The following MAD1L1 variants were observed in gnomAD, a reference collection of about 807,000 sequenced individuals.
MAD1L1 encodes mitotic spindle assembly checkpoint protein MAD1.
In MAD1L1, 95 loss-of-function variants were observed where a neutral mutation model predicts 96.9. The observed-to-expected ratio is 0.98, with a 90% CI of 0.83 to 1.16. The LOEUF is 1.16. Ranked by LOEUF, MAD1L1 falls within the 50% of genes most tolerant of loss-of-function variation. MAD1L1 has a pLI of 0.00. For missense variants in MAD1L1, 1,007 were observed against 954.4 expected (o/e 1.06, Z -0.73); for synonymous variants, 473 against 396.6 (o/e 1.19, Z -2.29).
chr7:2,059,087 G>A (rs1196826410), intron 12 of MAD1L1, among the ~76,000 whole-genome samples: 33 of 86,414 alleles, frequency 3.8e-4, no homozygotes, highest in East Asian at 8.5e-4. Context: ...GTGTGGCCAG[G>A]AGAGAAGCAG....
intron 11 of MAD1L1, among the ~76,000 whole-genome samples, chr7:2,102,918 C>T (rs956957533): frequency 6.6e-6 from 1 of 152,222 alleles, no homozygotes; most frequent in Non-Finnish European, 1.5e-5. Context: ...ACTCCTAAAG[C>T]GGGCCTCTCC....
rs183965274 is a variant in MAD1L1 at position 1,867,612 on chromosome 7, C to T, written c.1998+30588G>A. On this transcript the variant is annotated intron_variant, in intron 18 of 18. Coordinates refer to ENST00000265854, the MANE Select transcript of MAD1L1 (RefSeq NM_001013836.2). ...TCAGCAGCACTCTGCCAGATTCTAC[C>T]GGTGGCTCGGGCCCAATTTCCATTC... 3.5e-3 allele frequency among the ~76,000 whole-genome samples: 537 copies of T among 152,334 alleles called. 5 individuals are homozygous for T. The highest frequency in any genetic ancestry group is 0.013 in the African/African-American group (527 of 41,584).
rs535792481 is a variant in MAD1L1 at position 2,183,281 on chromosome 7, TA to T, written c.986+29930del. Among the ~76,000 whole-genome samples the T allele has an allele frequency of 1.3e-3, 194 of 150,132 alleles. 1 individual carries two copies. Among genetic ancestry groups the T allele is most frequent in the Middle Eastern group, 3.5e-3 (1 of 286 alleles). Reference sequence around the variant, plus strand: ...ATGTATATTTTAATAATTTAAAAACTAAAGAAAATGACAAGCCACAGACAGG... The same window carrying T: ...ATGTATATTTTAATAATTTAAAAACTAAGAAAATGACAAGCCACAGACAGG... On this transcript the variant is annotated intron_variant, in intron 10 of 18. Transcript: ENST00000265854.
At chr7:1,871,501 C>T (rs530006517) in intron 18 of MAD1L1, among the ~76,000 whole-genome samples, 19 of 146,560 alleles carry the variant, frequency 1.3e-4, no homozygotes, top group African/African-American at 4.0e-4. Context: ...ACGCCTGCCA[C>T]GCTGAACTGA....
At chr7:2,025,615 G>T (rs1285739391) in intron 12 of MAD1L1, among the ~76,000 whole-genome samples, 1 of 152,024 alleles carries the variant, frequency 6.6e-6, no homozygotes, top group Non-Finnish European at 1.5e-5. Context: ...TGCAACACAG[G>T]GGAATAAAAA....
Position 1,874,125 on chromosome 7 carries a change from C to T in MAD1L1, c.1998+24075G>A, listed in dbSNP as rs116278193. On this transcript the variant is annotated intron_variant, in intron 18 of 18. Transcript: ENST00000265854. ...GGTGTTCCAGGCTCTCCATCTGCAC[C>T]GGAGTGGGGATGGAAAACGAAGGTC... 4.5e-3 allele frequency among the ~76,000 whole-genome samples: 691 copies of T among 152,274 alleles called. 6 individuals are homozygous for T. Among genetic ancestry groups the T allele is most frequent in the African/African-American group, 0.016 (652 of 41,552 alleles).
At chr7:2,073,120 G>A (rs1254694791) in intron 11 of MAD1L1, among the ~76,000 whole-genome samples, 1 of 152,216 alleles carries the variant, frequency 6.6e-6, no homozygotes, top group Non-Finnish European at 1.5e-5. Flanking sequence ...GGTGAGGCAG[G>A]ACGGCAGGCA....
intron 11 of MAD1L1, among the ~76,000 whole-genome samples, chr7:2,140,952 C>T (rs182327222): frequency 1.4e-4 from 21 of 152,322 alleles, no homozygotes; most frequent in Admixed American, 1.2e-3. Context: ...ATGTAAATGC[C>T]ATTTTAAATA....
Position 1,980,240 on chromosome 7 carries a change from G to A in MAD1L1, c.1505+213C>T, listed in dbSNP as rs12668156. On this transcript the variant is annotated intron_variant, in intron 15 of 18. Coordinates refer to ENST00000265854, the MANE Select transcript of MAD1L1 (RefSeq NM_001013836.2). ...TGTCCACTTCCTTCCTGGGGGACAC[G>A]CATGAGCGTGCCCACCTCCCCCCAC... Among the ~76,000 whole-genome samples the A allele has an allele frequency of 0.29, 43,350 of 151,868 alleles. 7,603 individuals are homozygous for A. The highest frequency in any genetic ancestry group is 0.46 in the East Asian group (2,372 of 5,128).
chr7:2,149,232 T>C lies in MAD1L1; in HGVS notation c.993A>G (p.Pro331=), dbSNP rs1419765145. 2.5e-6 allele frequency: 4 copies of C among 1,613,650 alleles called. No homozygotes were observed. Among genetic ancestry groups the C allele is most frequent in the Non-Finnish European group, 3.4e-6 (4 of 1,179,784 alleles). The change falls in exon 11 of 19, where the codon CCA becomes CCG. Residue 331 remains proline (P), a synonymous_variant. Transcript: ENST00000265854. ...CAACCACGAATCTGGAAAGGTCTTC[T>C]GGAGTCCTGCAGGATAAACAAGGCA... ...DQTMGLSIRT[P]EDLSRFVVEL...
chr7:1,873,279 G>A (rs1048112633), intron 18 of MAD1L1, among the ~76,000 whole-genome samples: 2 of 152,228 alleles, frequency 1.3e-5, no homozygotes, highest in South Asian at 4.1e-4. Flanking sequence ...GGGCTGGGGC[G>A]CGAGTCCGGG....
At chr7:1,963,394 G>C (rs1329867680) in intron 15 of MAD1L1, among the ~76,000 whole-genome samples, 4 of 152,294 alleles carry the variant, frequency 2.6e-5, no homozygotes, top group South Asian at 4.1e-4. Flanking sequence ...CTACAGTGAT[G>C]GAAAGCACGT....
intron 13 of MAD1L1, among the ~76,000 whole-genome samples, chr7:2,004,391 C>T (rs553301171): frequency 7.9e-5 from 12 of 152,372 alleles, no homozygotes; most frequent in South Asian, 2.1e-4. Flanking sequence ...CGATGGGCAC[C>T]GGCCTCAGGT....
chr7:2,013,624 C>G (rs1229561891), intron 13 of MAD1L1, among the ~76,000 whole-genome samples: 1 of 152,246 alleles, frequency 6.6e-6, no homozygotes, highest in African/African-American at 2.4e-5. Flanking sequence ...AGGCACCCGG[C>G]GGCGGCGTGT....
chr7:2,008,256 C>A (rs535252312), intron 13 of MAD1L1, among the ~76,000 whole-genome samples: 19 of 152,202 alleles, frequency 1.2e-4, no homozygotes, highest in African/African-American at 4.6e-4. Flanking sequence ...CCTCAGACAG[C>A]GCAACTCCAG....
chr7:2,102,976 C>T (rs1232803583), intron 11 of MAD1L1, among the ~76,000 whole-genome samples: 2 of 152,226 alleles, frequency 1.3e-5, no homozygotes, highest in African/African-American at 4.8e-5. Context: ...AGAGGTGGCA[C>T]TGTCCCCTCT....
At chr7:2,161,116 C>T (rs1554399663) in intron 10 of MAD1L1, among the ~76,000 whole-genome samples, 3 of 117,680 alleles carry the variant, frequency 2.5e-5, no homozygotes, top group Non-Finnish European at 5.5e-5. Context: ...CCTGCCCCTC[C>T]CCCTCCCTCT....
chr7:1,965,154 G>T (rs1780109564), intron 15 of MAD1L1, among the ~76,000 whole-genome samples: 1 of 152,216 alleles, frequency 6.6e-6, no homozygotes, highest in Admixed American at 6.5e-5. Context: ...ACGGGTGTGG[G>T]AACCCCACCA....
intron 12 of MAD1L1, among the ~76,000 whole-genome samples, chr7:2,064,777 G>C (rs182581842): frequency 6.7e-6 from 1 of 150,352 alleles, no homozygotes; most frequent in East Asian, 2.0e-4. Context: ...CTAGGAATAT[G>C]GCGGCTTCTC....
Sources: allele counts gnomAD v4.1 joint callset (sites outside exome capture counted in the v4.1 genomes callset), GRCh38; gene constraint gnomAD v4.1.1; transcripts MANE v1.5; gene names NCBI Gene and HGNC (gene_info 2026-07-23, HGNC 2026-07-21).